HIVEP3: variants seen among roughly 807,000 people sequenced by gnomAD.
HIVEP3 encodes the protein transcription factor HIVEP3.
HIVEP3 carries 49 observed loss-of-function variants against 152.8 expected under a neutral mutation model. The observed-to-expected ratio is 0.32, with a 90% confidence interval of 0.26 to 0.41. The LOEUF is 0.41. Among genes scored for constraint, HIVEP3 ranks in the 10% least tolerant of loss-of-function variants. The probability of loss-of-function intolerance (pLI) is 1.00; values close to 1 mark genes in which losing one functional copy is unlikely to be tolerated. For synonymous variants in HIVEP3, 1,269 were observed against 1,289.0 expected, an observed-to-expected ratio of 0.98 and a Z score of 0.33; for missense variants, 2,790 against 3,103.3, an observed-to-expected ratio of 0.90 and a Z score of 2.40.
chr1:41,668,107 C>A (rs938968563), intron 2 of HIVEP3, among the ~76,000 whole-genome samples: 2 of 152,212 alleles, frequency 1.3e-5, no homozygotes, highest in South Asian at 4.1e-4. Context: ...TTTCATCCAA[C>A]TGATTGATAT....
At chr1:41,720,631 C>A (rs190344472) in intron 1 of HIVEP3, among the ~76,000 whole-genome samples, 1 of 152,322 alleles carries the variant, frequency 6.6e-6, no homozygotes, top group Non-Finnish European at 1.5e-5. Flanking sequence ...CTATGGGGAA[C>A]AGTATGGAAG....
intron 1 of HIVEP3, among the ~76,000 whole-genome samples, chr1:41,994,798 C>T (rs1645385863): frequency 6.6e-6 from 1 of 152,014 alleles, no homozygotes; most frequent in Non-Finnish European, 1.5e-5. Flanking sequence ...TATCATGTTA[C>T]TATGTTCAAA....
rs187138899 is a variant in HIVEP3 at position 41,514,567 on chromosome 1, C to T, written c.5471-817G>A. On this transcript the variant is annotated intron_variant, in intron 7 of 8. Transcript: ENST00000372583. ...GCTGCAGAGCAGGTCCCCATCCCAG[C>T]CACGCTCTTATCTGAGGAGCCACTG... 2.0e-4 allele frequency among the ~76,000 whole-genome samples: 31 copies of T among 152,328 alleles called. 2 individuals are homozygous for T. The highest frequency in any genetic ancestry group is 6.8e-3 in the Middle Eastern group (2 of 294).
At chr1:41,985,364 T>C (rs879357650) in intron 1 of HIVEP3, among the ~76,000 whole-genome samples, 5 of 152,156 alleles carry the variant, frequency 3.3e-5, no homozygotes, top group Non-Finnish European at 1.5e-5. Context: ...TTATAAACAA[T>C]AGAAATTATT....
intron 7 of HIVEP3, among the ~76,000 whole-genome samples, chr1:41,516,648 C>T (rs1034995387): frequency 2.6e-5 from 4 of 152,226 alleles, no homozygotes; most frequent in African/African-American, 9.6e-5. Context: ...CCAGGGCACC[C>T]CCCCATGCCC....
At chr1:41,925,259 A>T (rs953284121) in intron 1 of HIVEP3, among the ~76,000 whole-genome samples, 1 of 152,246 alleles carries the variant, frequency 6.6e-6, no homozygotes, top group African/African-American at 2.4e-5. Flanking sequence ...CTTTTCATGC[A>T]GTCAAAAATT....
At chr1:41,941,956 A>G (rs1308343428) in intron 1 of HIVEP3, among the ~76,000 whole-genome samples, 2 of 152,198 alleles carry the variant, frequency 1.3e-5, no homozygotes, top group East Asian at 3.8e-4. Flanking sequence ...GTATTTCAGT[A>G]GGGGACACAG....
At chr1:41,976,450 C>T (rs1315490026) in intron 1 of HIVEP3, among the ~76,000 whole-genome samples, 1 of 152,178 alleles carries the variant, frequency 6.6e-6, no homozygotes, top group Non-Finnish European at 1.5e-5. Flanking sequence ...ACAAACCTCC[C>T]GTCTGTTCTA....
intron 5 of HIVEP3, among the ~76,000 whole-genome samples, chr1:41,554,156 T>G (rs1396917575): frequency 6.6e-6 from 1 of 152,242 alleles, no homozygotes. Flanking sequence ...GATTTGGTCT[T>G]TTCACATAGT....
intron 1 of HIVEP3, among the ~76,000 whole-genome samples, chr1:41,760,813 T>A (rs1647622116): frequency 6.6e-6 from 1 of 152,046 alleles, no homozygotes; most frequent in South Asian, 2.1e-4. Context: ...GGCAGAGCAG[T>A]GACAAGGCCC....
chr1:41,947,841 G>C (rs1187145852), intron 1 of HIVEP3, among the ~76,000 whole-genome samples: 1 of 152,232 alleles, frequency 6.6e-6, no homozygotes, highest in Non-Finnish European at 1.5e-5. Flanking sequence ...ATCTGAAGCA[G>C]TTAAAATAAT....
At position 41,868,197 on chromosome 1, in the gene HIVEP3, G is replaced by GTTT. The variant is rs56784921; in HGVS notation, c.-801+50213_-801+50215dup. On this transcript the variant is annotated intron_variant, in intron 1 of 8. Coordinates refer to ENST00000372583, the MANE Select transcript of HIVEP3 (RefSeq NM_024503.5). The stretch of plus-strand genomic sequence containing the variant: ...AGTAGTTATATAATAGTTTGTGGGG[G>GTTT]TTTTTTTTTTTTTGGTCTTGTTTTT... 1.9e-3 allele frequency among the ~76,000 whole-genome samples: 282 copies of GTTT among 146,134 alleles called. 7 individuals are homozygous for GTTT. Among genetic ancestry groups the GTTT allele is most frequent in the East Asian group, 7.8e-3 (39 of 5,026 alleles).
chr1:41,731,175 G>A (rs922935795), intron 1 of HIVEP3, among the ~76,000 whole-genome samples: 1 of 152,090 alleles, frequency 6.6e-6, no homozygotes, highest in South Asian at 2.1e-4. Context: ...TGAGTGTTGG[G>A]GGCATGGGTA....
rs185290096 is a variant in HIVEP3, at chr1:41,649,984, G to A, written c.-720-21037C>T. Among the ~76,000 whole-genome samples, 13 of 152,182 alleles carry A rather than the reference G, an allele frequency of 8.5e-5. No homozygotes were observed. The East Asian group carries it at 1.4e-3, about 16-fold the overall frequency. ...GGGAGTCAGGAAAGCCCACATCCCC[G>A]GGGGTGGGAAAGCCTGGCCGGGAAC... On this transcript the variant is annotated intron_variant, in intron 2 of 8. Transcript: ENST00000372583.
chr1:41,910,634 A>G (rs1057129039), intron 1 of HIVEP3, among the ~76,000 whole-genome samples: 1 of 152,076 alleles, frequency 6.6e-6, no homozygotes, highest in Non-Finnish European at 1.5e-5. Context: ...CTAGCAATGT[A>G]TAAGAAATGA....
At chr1:41,832,779 A>C (rs1172618695) in intron 1 of HIVEP3, among the ~76,000 whole-genome samples, 2 of 152,234 alleles carry the variant, frequency 1.3e-5, no homozygotes, top group African/African-American at 4.8e-5. Context: ...AGATAAGGAA[A>C]CTGAGACTGC....
At chr1:42,033,273 G>T (rs1041957734) in intron 1 of HIVEP3, among the ~76,000 whole-genome samples, 1 of 152,010 alleles carries the variant, frequency 6.6e-6, no homozygotes, top group Non-Finnish European at 1.5e-5. Flanking sequence ...CTCCTCACAT[G>T]GTCCTGCACA....
At chr1:41,709,396 A>G (rs1646480383) in intron 1 of HIVEP3, among the ~76,000 whole-genome samples, 1 of 152,220 alleles carries the variant, frequency 6.6e-6, no homozygotes, top group African/African-American at 2.4e-5. Flanking sequence ...TGTCAGGTGG[A>G]AGCCCAGAGA....
At chr1:41,560,915 C>T (rs993245211) in intron 5 of HIVEP3, among the ~76,000 whole-genome samples, 19 of 152,212 alleles carry the variant, frequency 1.2e-4, no homozygotes, top group East Asian at 5.8e-4. Flanking sequence ...CCAGGGTACA[C>T]GGCCACGGTC....
Sources: gnomAD v4.1 joint callset for allele counts (sites outside exome capture counted in the v4.1 genomes callset) on GRCh38, gnomAD v4.1.1 for gene constraint, MANE v1.5 for transcripts, NCBI Gene and HGNC (gene_info 2026-07-23, HGNC 2026-07-21) for gene names.